CENPW: variants seen among roughly 807,000 people sequenced by gnomAD.
CENPW encodes the protein cancer-up-regulated gene 2 protein.
Under a neutral mutation model 11.1 loss-of-function variants are expected in CENPW, and 3 were observed. The observed-to-expected ratio is 0.27, with a 90% CI of 0.12 to 0.70. CENPW has a LOEUF of 0.70. Among genes scored for constraint, CENPW ranks in the 30% least tolerant of loss-of-function variants. CENPW has a pLI of 0.77. For synonymous variants in CENPW, 38 were observed against 42.0 expected, an observed-to-expected ratio of 0.91 and a Z score of 0.37; for missense variants, 100 against 105.6, an observed-to-expected ratio of 0.95 and a Z score of 0.23.
chr6:126,480,498 T>C, the CENPW span, among the ~76,000 whole-genome samples: 2 of 152,024 alleles, frequency 1.3e-5, no homozygotes, highest in African/African-American at 2.4e-5. Context: ...CAGCTATAAA[T>C]AATACACCAA....
At chr6:126,379,198 C>A in the CENPW span, among the ~76,000 whole-genome samples, 300 of 152,244 alleles carry the variant, frequency 2.0e-3, 2 homozygotes, top group South Asian at 9.7e-3. Flanking sequence ...AGGAATGTGT[C>A]TTATAGACAT....
At chr6:126,415,117 G>A in the CENPW span, among the ~76,000 whole-genome samples, 1 of 151,864 alleles carries the variant, frequency 6.6e-6, no homozygotes, top group African/African-American at 2.4e-5. Context: ...CCACTTCAGT[G>A]TGCAGTCCAT....
chr6:126,422,870 A>G, the CENPW span, among the ~76,000 whole-genome samples: 5 of 152,092 alleles, frequency 3.3e-5, no homozygotes. Context: ...TAATTTCAGA[A>G]TTAAAGCACG....
the CENPW span, among the ~76,000 whole-genome samples, chr6:126,407,326 G>T: frequency 6.6e-6 from 1 of 152,084 alleles, no homozygotes; most frequent in Admixed American, 6.6e-5. Context: ...TCTTCATCCA[G>T]TCTATTTTCG....
intron 1 of CENPW, among the ~76,000 whole-genome samples, chr6:126,345,377 G>A (rs1780388447): frequency 6.6e-6 from 1 of 151,916 alleles, no homozygotes; most frequent in African/African-American, 2.4e-5. Context: ...ATGGTTGACT[G>A]GGGGATGAGA....
At chr6:126,408,331 T>C in the CENPW span, among the ~76,000 whole-genome samples, 7 of 152,110 alleles carry the variant, frequency 4.6e-5, no homozygotes, top group African/African-American at 1.7e-4. Flanking sequence ...AGGTGGAAGA[T>C]GTAGGAGGAG....
the CENPW span, among the ~76,000 whole-genome samples, chr6:126,386,195 A>G: frequency 6.6e-6 from 1 of 152,064 alleles, no homozygotes; most frequent in Non-Finnish European, 1.5e-5. Flanking sequence ...TTTGACAGTA[A>G]GAGCTCAAAT....
Position 126,344,772 on chromosome 6 carries a change from A to G in CENPW, c.127-1433A>G, listed in dbSNP as rs556567996. Reference sequence around the variant, plus strand: ...CACTAGAACATTATTAAACACCTATATAACAATCTATTAAAGATTTCTGCA... The same window carrying G: ...CACTAGAACATTATTAAACACCTATGTAACAATCTATTAAAGATTTCTGCA... On this transcript the variant is annotated intron_variant, in intron 1 of 2. Coordinates refer to ENST00000368328, the MANE Select transcript of CENPW (RefSeq NM_001012507.4). Among the ~76,000 whole-genome samples the G allele has an allele frequency of 2.0e-4, 31 of 152,330 alleles. No individual in the cohort carries two copies. In the South Asian group the frequency reaches 6.0e-3, roughly 29 times the overall value.
At chr6:126,372,194 A>C in the CENPW span, among the ~76,000 whole-genome samples, 1 of 151,900 alleles carries the variant, frequency 6.6e-6, no homozygotes, top group Admixed American at 6.6e-5. Context: ...ATTTTTCACT[A>C]TTATTCTGAT....
At chr6:126,372,963 G>T in the CENPW span, among the ~76,000 whole-genome samples, 1 of 152,122 alleles carries the variant, frequency 6.6e-6, no homozygotes, top group African/African-American at 2.4e-5. Flanking sequence ...TTTGTTTATG[G>T]ATGCAACTGA....
chr6:126,366,829 G>T, the CENPW span, among the ~76,000 whole-genome samples: 1 of 152,166 alleles, frequency 6.6e-6, no homozygotes, highest in African/African-American at 2.4e-5. Context: ...GGAAGTTCAA[G>T]GTTGAGGGAC....
the CENPW span, among the ~76,000 whole-genome samples, chr6:126,455,552 T>C: frequency 6.6e-6 from 1 of 151,360 alleles, no homozygotes; most frequent in Non-Finnish European, 1.5e-5. Flanking sequence ...ACAAACTAGG[T>C]ATTGAAGCAA....
chr6:126,412,683 A>G, the CENPW span, among the ~76,000 whole-genome samples: 5 of 152,212 alleles, frequency 3.3e-5, no homozygotes, highest in Non-Finnish European at 7.3e-5. Flanking sequence ...CATTATGCCT[A>G]CATTTATGCA....
At chr6:126,423,085 C>A in the CENPW span, among the ~76,000 whole-genome samples, 2 of 151,798 alleles carry the variant, frequency 1.3e-5, no homozygotes, top group African/African-American at 2.4e-5. Context: ...ATAAATCTTT[C>A]TTTTGCATTT....
the CENPW span, among the ~76,000 whole-genome samples, chr6:126,408,488 G>A: frequency 1.3e-5 from 2 of 152,020 alleles, no homozygotes; most frequent in South Asian, 2.1e-4. Context: ...ACCTCCCACT[G>A]GAAACCTCTC....
At chr6:126,421,674 A>G in the CENPW span, among the ~76,000 whole-genome samples, 11 of 150,936 alleles carry the variant, frequency 7.3e-5, no homozygotes, top group African/African-American at 2.2e-4. Flanking sequence ...TCTTTCTGCT[A>G]TAATTGCCTG....
At chr6:126,341,717 G>T (rs1386250871) in intron 1 of CENPW, among the ~76,000 whole-genome samples, 3 of 152,170 alleles carry the variant, frequency 2.0e-5, no homozygotes, top group Admixed American at 6.5e-5. Context: ...TTTTTACGTA[G>T]TATATTATGG....
the CENPW span, among the ~76,000 whole-genome samples, chr6:126,373,903 G>A: frequency 3.3e-5 from 5 of 152,216 alleles, no homozygotes; most frequent in Admixed American, 6.5e-5. Context: ...AGGGAAGGGA[G>A]ACATTTTTGG....
chr6:126,391,920 G>T, the CENPW span, among the ~76,000 whole-genome samples: 2 of 151,862 alleles, frequency 1.3e-5, no homozygotes, highest in Non-Finnish European at 2.9e-5. Context: ...CTCCAGTTTT[G>T]TTCTTTTTGC....
Sources: gnomAD v4.1 joint callset for allele counts (sites outside exome capture counted in the v4.1 genomes callset) on GRCh38, gnomAD v4.1.1 for gene constraint, MANE v1.5 for transcripts, NCBI Gene and HGNC (gene_info 2026-07-23, HGNC 2026-07-21) for gene names.